Variants in AMBRA1 observed in about 807,000 individuals in gnomAD.
AMBRA1 encodes the protein autophagy and beclin 1 regulator 1, also known as activating molecule in BECN1-regulated autophagy protein 1.
In AMBRA1, 47 loss-of-function variants were observed where a neutral mutation model predicts 125.4. The ratio of observed to expected loss-of-function variants is 0.37; its 90% confidence interval spans 0.30 to 0.48. The LOEUF is 0.48. Ranked by LOEUF, AMBRA1 falls within the 20% of genes least tolerant of loss-of-function variation. The pLI, the probability that AMBRA1 is intolerant of heterozygous loss-of-function variation, is 0.99. For synonymous variants in AMBRA1, 626 were observed against 655.5 expected (o/e 0.95, Z 0.69); for missense variants, 1,331 against 1,693.4 (o/e 0.79, Z 3.76).
At chr11:46,553,744 C>CAA (rs113211612) in intron 1 of AMBRA1, among the ~76,000 whole-genome samples, 1,761 of 144,530 alleles carry the variant, frequency 0.012, 42 homozygotes, top group African/African-American at 0.043. Context: ...GACTCCATCT[C>CAA]AAAAAAAAAA....
chr11:46,535,720 C>T (rs1369941971), intron 7 of AMBRA1, among the ~76,000 whole-genome samples: 1 of 151,978 alleles, frequency 6.6e-6, no homozygotes, highest in African/African-American at 2.4e-5. Flanking sequence ...TACTGAGATG[C>T]CAAGCCAAAG....
intron 11 of AMBRA1, among the ~76,000 whole-genome samples, chr11:46,467,295 C>T (rs866553040): frequency 2.0e-4 from 30 of 152,064 alleles, no homozygotes; most frequent in Non-Finnish European, 1.2e-4. Context: ...CTTCTTTTCT[C>T]CCCCATCCTT....
At chr11:46,459,733 TACACATACACACACACACAC>T (rs1227004783) in intron 11 of AMBRA1, among the ~76,000 whole-genome samples, 1 of 115,474 alleles carries the variant, frequency 8.7e-6, no homozygotes, top group Non-Finnish European at 1.8e-5. Context: ...AAAAAAAAAA[TACACATACACACACACACAC>T]ACACACACAC....
chr11:46,526,286 T>C (rs886709406), intron 7 of AMBRA1, among the ~76,000 whole-genome samples: 6 of 151,974 alleles, frequency 3.9e-5, no homozygotes, highest in African/African-American at 9.7e-5. Flanking sequence ...TCTCCAAAGA[T>C]GGCTCCAAAG....
chr11:46,494,009 G>C, intron 10 of AMBRA1, 115 bp downstream of exon 10: 1 of 990,300 alleles, frequency 1.0e-6, no homozygotes, highest in Non-Finnish European at 1.5e-6. Flanking sequence ...CTGGGCTATG[G>C]GCCCACTAGG....
intron 12 of AMBRA1, among the ~76,000 whole-genome samples, chr11:46,441,997 G>A (rs368190678): frequency 3.6e-4 from 53 of 148,946 alleles, no homozygotes; most frequent in African/African-American, 1.3e-3. Flanking sequence ...TTGAGACAGG[G>A]TCTTGCTTTG....
intron 7 of AMBRA1, among the ~76,000 whole-genome samples, chr11:46,521,369 C>T (rs1176524338): frequency 1.3e-5 from 2 of 152,260 alleles, no homozygotes; most frequent in Non-Finnish European, 2.9e-5. Flanking sequence ...GAAACTACCA[C>T]TGATGCTCCT....
intron 7 of AMBRA1, 127 bp downstream of exon 7, chr11:46,541,818 T>C (rs903958861): frequency 1.2e-5 from 15 of 1,283,684 alleles, no homozygotes; most frequent in Non-Finnish European, 1.6e-5. Context: ...GAAAATGCAA[T>C]GGCGAGATCA....
intron 1 of AMBRA1, among the ~76,000 whole-genome samples, chr11:46,588,507 G>T (rs2044479476): frequency 6.6e-6 from 1 of 151,918 alleles, no homozygotes; most frequent in Non-Finnish European, 1.5e-5. Flanking sequence ...CGGGCACGGT[G>T]GCTCATACCT....
At chr11:46,521,148 T>C (rs1326780406) in intron 7 of AMBRA1, among the ~76,000 whole-genome samples, 1 of 152,216 alleles carries the variant, frequency 6.6e-6, no homozygotes, top group African/African-American at 2.4e-5. Context: ...GCGACAAGAC[T>C]CTCAGACAAG....
At chr11:46,465,979 G>C (rs1387292476) in intron 11 of AMBRA1, among the ~76,000 whole-genome samples, 1 of 152,208 alleles carries the variant, frequency 6.6e-6, no homozygotes, top group Non-Finnish European at 1.5e-5. Context: ...TTGGGATCTA[G>C]ACTAAAGTAC....
chr11:46,450,038 A>G (rs2136781601), intron 11 of AMBRA1, among the ~76,000 whole-genome samples: 1 of 151,742 alleles, frequency 6.6e-6, no homozygotes, highest in Non-Finnish European at 1.5e-5. Context: ...CAGCCTGGGC[A>G]ACAGAGCGAG....
chr11:46,426,315 G>C (rs970246899), intron 14 of AMBRA1, among the ~76,000 whole-genome samples: 2 of 152,180 alleles, frequency 1.3e-5, no homozygotes, highest in African/African-American at 4.8e-5. Flanking sequence ...ACTAAGCACA[G>C]TGAGGGCTGG....
chr11:46,585,526 C>T (rs1347153100), intron 1 of AMBRA1, among the ~76,000 whole-genome samples: 6 of 146,206 alleles, frequency 4.1e-5, no homozygotes, highest in African/African-American at 7.6e-5. Context: ...ATTAGCCAGG[C>T]GTGATGGCAC....
intron 13 of AMBRA1, 90 bp downstream of exon 13, chr11:46,434,759 T>C (rs1224943462): frequency 1.2e-5 from 17 of 1,370,322 alleles, no homozygotes; most frequent in Non-Finnish European, 1.7e-5. Flanking sequence ...ATGTGACCAT[T>C]ACTCCCACCC....
At chr11:46,497,392 G>A (rs1009459010) in intron 9 of AMBRA1, among the ~76,000 whole-genome samples, 1 of 152,144 alleles carries the variant, frequency 6.6e-6, no homozygotes, top group African/African-American at 2.4e-5. Flanking sequence ...AGTAAGGGGA[G>A]GTGCTCATGC....
chr11:46,403,998 G>A (rs974539730), intron 17 of AMBRA1, among the ~76,000 whole-genome samples: 1 of 152,082 alleles, frequency 6.6e-6, no homozygotes, highest in Non-Finnish European at 1.5e-5. Context: ...CCAGGAGTTC[G>A]AGACCAGCCT....
chr11:46,520,058 G>C (rs1057468910), intron 7 of AMBRA1, among the ~76,000 whole-genome samples: 2 of 150,732 alleles, frequency 1.3e-5, no homozygotes, highest in Non-Finnish European at 2.9e-5. Flanking sequence ...AGAATCGCTT[G>C]AACCCAGGAG....
chr11:46,524,915 C>T (rs1397772132), intron 7 of AMBRA1, among the ~76,000 whole-genome samples: 6 of 152,234 alleles, frequency 3.9e-5, no homozygotes, highest in African/African-American at 1.4e-4. Flanking sequence ...GTCAGGTATC[C>T]ATCTACCAAT....
Sources: allele counts gnomAD v4.1 joint callset (sites outside exome capture counted in the v4.1 genomes callset), GRCh38; gene constraint gnomAD v4.1.1; transcripts MANE v1.5; gene names NCBI Gene and HGNC (gene_info 2026-07-23, HGNC 2026-07-21).